Variants in HECW1 observed in about 807,000 individuals in gnomAD.
The protein encoded by HECW1 is E3 ubiquitin-protein ligase HECW1.
HECW1 carries 61 observed loss-of-function variants against 182.3 expected under a neutral mutation model. That is an observed-to-expected ratio of 0.33 (90% CI 0.27 to 0.41). The LOEUF (loss-of-function observed/expected upper bound fraction) is 0.41, where lower values mean the gene tolerates loss of function less well. Ranked by LOEUF, HECW1 falls within the 10% of genes least tolerant of loss-of-function variation. The pLI is 1.00. For missense variants in HECW1, 1,739 were observed against 2,108.9 expected, an observed-to-expected ratio of 0.82 and a Z score of 3.44; for synonymous variants, 859 against 832.6, an observed-to-expected ratio of 1.03 and a Z score of -0.55.
intron 2 of HECW1, among the ~76,000 whole-genome samples, chr7:43,220,796 C>G (rs1471354923): frequency 6.6e-6 from 1 of 152,198 alleles, no homozygotes; most frequent in African/African-American, 2.4e-5. Context: ...CCTTCCACCC[C>G]CATGGCCTGC....
At chr7:43,360,754 C>T in intron 5 of HECW1, 132 bp from the exon 6 acceptor site, 1 of 702,336 alleles carries the variant, frequency 1.4e-6, no homozygotes, top group East Asian at 2.7e-5. Context: ...TGAGGAGCAT[C>T]ATTGTCGAGT....
intron 2 of HECW1, among the ~76,000 whole-genome samples, chr7:43,222,850 C>T (rs1040857088): frequency 1.3e-5 from 2 of 152,156 alleles, no homozygotes; most frequent in African/African-American, 4.8e-5. Flanking sequence ...CTCCTGTCTC[C>T]ACTCCCTGCC....
chr7:43,127,392 G>T (rs181218619), intron 2 of HECW1, among the ~76,000 whole-genome samples: 1 of 151,918 alleles, frequency 6.6e-6, no homozygotes, highest in South Asian at 2.1e-4. Flanking sequence ...GTGTGGTGGC[G>T]CATGCCTGTA....
intron 12 of HECW1, among the ~76,000 whole-genome samples, chr7:43,453,819 G>A (rs1402439298): frequency 6.6e-6 from 1 of 152,162 alleles, no homozygotes; most frequent in Non-Finnish European, 1.5e-5. Flanking sequence ...CAAACCCATG[G>A]CATCACAGTG....
At chr7:43,498,396 G>A (rs2079196933) in intron 19 of HECW1, among the ~76,000 whole-genome samples, 1 of 152,206 alleles carries the variant, frequency 6.6e-6, no homozygotes, top group Non-Finnish European at 1.5e-5. Context: ...GGGGCAGGAG[G>A]ATAACCTGCC....
At chr7:43,449,790 GA>G (rs34068735) in intron 11 of HECW1, among the ~76,000 whole-genome samples, 87,479 of 151,962 alleles carry the variant, frequency 0.58, 25,373 homozygotes, top group South Asian at 0.72. Context: ...GGAACCATCT[GA>G]AAAAAGGGCC....
At chr7:43,184,093 A>G (rs1449047735) in intron 2 of HECW1, among the ~76,000 whole-genome samples, 1 of 151,990 alleles carries the variant, frequency 6.6e-6, no homozygotes, top group Non-Finnish European at 1.5e-5. Context: ...GGCTCACTGC[A>G]AGCTCCACCT....
Position 43,445,415 on chromosome 7 carries a change from C to T in HECW1, c.2243C>T (p.Ser748Leu), listed in dbSNP as rs1308383517. Residue 748 changes from serine (S) to leucine (L), a missense_variant, in exon 11 of 30, where the codon TCG becomes TTG. This residue lies in a region of HECW1 where 971 missense variants were observed against 1,029.1 expected (regional missense o/e 0.94). Transcript: ENST00000395891. ...GAGGAGGAGAACAGCGCGTTCGAGTCGGTACCCGACTCCATGCAGAGCCCT... is the reference window on the plus strand; with the variant it reads ...GAGGAGGAGAACAGCGCGTTCGAGTTGGTACCCGACTCCATGCAGAGCCCT... ...DEEEENSAFE[S>L]VPDSMQSPEL... 1.2e-6 allele frequency: 2 copies of T among 1,613,446 alleles called. No homozygotes were observed. The highest frequency in any genetic ancestry group is 1.1e-5 in the South Asian group (1 of 91,084).
intron 2 of HECW1, among the ~76,000 whole-genome samples, chr7:43,164,689 G>A (rs979907075): frequency 6.6e-6 from 1 of 152,230 alleles, no homozygotes; most frequent in Non-Finnish European, 1.5e-5. Context: ...TTTCCTTTTG[G>A]TGTGGAGGGA....
At chr7:43,306,378 AT>A (rs58260043) in intron 3 of HECW1, among the ~76,000 whole-genome samples, 32,925 of 146,080 alleles carry the variant, frequency 0.23, 6,171 homozygotes, top group African/African-American at 0.52. Context: ...ATAAGCTTTG[AT>A]TTTTTTTTTT....
At chr7:43,464,698 A>AT in intron 14 of HECW1, among the ~76,000 whole-genome samples, 1 of 152,082 alleles carries the variant, frequency 6.6e-6, no homozygotes, top group Non-Finnish European at 1.5e-5. Flanking sequence ...TTTTCATGTG[A>AT]TTTTTCAAAA....
At chr7:43,275,607 A>C (rs983682514) in intron 3 of HECW1, among the ~76,000 whole-genome samples, 1 of 151,974 alleles carries the variant, frequency 6.6e-6, no homozygotes, top group Non-Finnish European at 1.5e-5. Flanking sequence ...TGCACTAATC[A>C]CCTCCCCAAA....
intron 2 of HECW1, among the ~76,000 whole-genome samples, chr7:43,234,348 T>G (rs1168452311): frequency 6.6e-6 from 1 of 152,168 alleles, no homozygotes; most frequent in East Asian, 1.9e-4. Flanking sequence ...ACCAGTGACT[T>G]CCCACCTTGC....
At chr7:43,371,578 A>G (rs530906664) in intron 6 of HECW1, among the ~76,000 whole-genome samples, 1 of 152,170 alleles carries the variant, frequency 6.6e-6, no homozygotes, top group East Asian at 1.9e-4. Flanking sequence ...TATTGGGCCC[A>G]TTTTTTTCAA....
intron 3 of HECW1, chr7:43,249,114 C>G (rs540944455): frequency 6.6e-6 from 1 of 152,422 alleles, no homozygotes; most frequent in Admixed American, 6.5e-5. Flanking sequence ...CCCTAGGTGC[C>G]GGGCGCCGCC....
At chr7:43,362,681 C>T (rs767482281) in intron 6 of HECW1, among the ~76,000 whole-genome samples, 3 of 152,272 alleles carry the variant, frequency 2.0e-5, no homozygotes, top group Non-Finnish European at 2.9e-5. Flanking sequence ...ACAGCTAAAT[C>T]GAGGCAGAAA....
intron 2 of HECW1, among the ~76,000 whole-genome samples, chr7:43,219,207 C>T (rs1474486631): frequency 6.6e-6 from 1 of 152,134 alleles, no homozygotes; most frequent in African/African-American, 2.4e-5. Context: ...AAGAGGACAA[C>T]AGTGGGAATC....
In HECW1 at chr7:43,374,526, GCAC is replaced by G. The variant is rs2074243169; in HGVS notation, c.555+13547_555+13549del. The stretch of plus-strand genomic sequence containing the variant: ...GAAATCTAATTTATGAACAACAGAT[GCAC>G]TTTGGGAGGCCGAGGCGGGCGGATC... On this transcript the variant is annotated intron_variant, in intron 6 of 29. Transcript: ENST00000395891. Among the ~76,000 whole-genome samples, 20 of 123,632 alleles carry G rather than the reference GCAC, an allele frequency of 1.6e-4. 5 individuals carry two copies. The highest frequency in any genetic ancestry group is 2.0e-4 in the Non-Finnish European group (12 of 60,822). The allele number at this position is 123,632 out of a possible 152,430, so 81.1% of individuals were successfully genotyped here.
intron 2 of HECW1, among the ~76,000 whole-genome samples, chr7:43,142,661 G>A (rs1451246991): frequency 3.3e-5 from 5 of 152,206 alleles, no homozygotes; most frequent in Non-Finnish European, 2.9e-5. Flanking sequence ...TAAATCCTAT[G>A]TGGCTTCTAA....
Sources: allele counts gnomAD v4.1 joint callset (sites outside exome capture counted in the v4.1 genomes callset), GRCh38; gene constraint gnomAD v4.1.1; regional missense constraint gnomAD v4.1.1; transcripts MANE v1.5; gene names NCBI Gene and HGNC (gene_info 2026-07-23, HGNC 2026-07-21).